Variants in LRRC7 observed in about 807,000 individuals in gnomAD.
LRRC7 encodes leucine rich repeat containing 7, also known as leucine-rich repeat-containing protein 7.
In LRRC7, 23 loss-of-function variants were observed where a neutral mutation model predicts 175.7. The observed-to-expected ratio is 0.13, with a 90% CI of 0.09 to 0.19. LRRC7 has a LOEUF of 0.19. Ranked by LOEUF, LRRC7 falls within the 10% of genes least tolerant of loss-of-function variation. LRRC7 has a pLI of 1.00. For missense variants in LRRC7, 1,354 were observed against 1,904.7 expected, an observed-to-expected ratio of 0.71 and a Z score of 5.38; for synonymous variants, 685 against 680.9, an observed-to-expected ratio of 1.01 and a Z score of -0.09.
At chr1:70,002,960 C>T (rs1325347138) in intron 11 of LRRC7, among the ~76,000 whole-genome samples, 1 of 152,074 alleles carries the variant, frequency 6.6e-6, no homozygotes. Context: ...AGTACAATGT[C>T]TTAGTCTGCT....
chr1:69,928,126 G>A (rs193145167), intron 7 of LRRC7, among the ~76,000 whole-genome samples: 181 of 152,192 alleles, frequency 1.2e-3, no homozygotes, highest in Non-Finnish European at 1.7e-3. Context: ...GCGGATTTTC[G>A]TGAACCGTGA....
chr1:69,681,099 A>G (rs1660430650), intron 2 of LRRC7, among the ~76,000 whole-genome samples: 1 of 151,288 alleles, frequency 6.6e-6, no homozygotes, highest in African/African-American at 2.4e-5. Context: ...ATGGCAAAGA[A>G]GAGGTTCTAA....
At chr1:69,614,067 ATCAT>A (rs1649232766) in intron 1 of LRRC7, among the ~76,000 whole-genome samples, 1 of 150,734 alleles carries the variant, frequency 6.6e-6, no homozygotes, top group Non-Finnish European at 1.5e-5. Flanking sequence ...AATGATAATT[ATCAT>A]TCATAAAGTT....
intron 7 of LRRC7, chr1:69,839,099 A>T (rs975790604): frequency 4.7e-5 from 13 of 278,564 alleles, no homozygotes; most frequent in South Asian, 1.6e-4. Flanking sequence ...TAAACATTTC[A>T]GTAGGACTTA....
At chr1:69,778,389 A>G (rs1673055284) in intron 3 of LRRC7, among the ~76,000 whole-genome samples, 1 of 152,198 alleles carries the variant, frequency 6.6e-6, no homozygotes, top group South Asian at 2.1e-4. Context: ...CTTTGTTTCC[A>G]TGGGAACTAG....
Position 69,888,280 on chromosome 1 carries a change from C to T in LRRC7, c.648-43227C>T, listed in dbSNP as rs796575442. Among the ~76,000 whole-genome samples the T allele has an allele frequency of 5.5e-4, 84 of 152,210 alleles. 2 individuals are homozygous for T. The highest frequency in any genetic ancestry group is 1.7e-3 in the African/African-American group (70 of 41,554). On this transcript the variant is annotated intron_variant, in intron 7 of 26. Transcript: ENST00000651989. Reference sequence around the variant, plus strand: ...CTAGCAATCAGCGAGACTCTGTGGGCGTAGGACCCTCGGATCCAGGTGCGG... The same window carrying T: ...CTAGCAATCAGCGAGACTCTGTGGGTGTAGGACCCTCGGATCCAGGTGCGG...
rs114018305 is a variant in LRRC7, at chr1:70,053,306, A to T, written c.4230+161A>T. ...TTTGGTTGACTGTAAGTACATTGAA[A>T]TGAATGGAAAATAAACACTGCCAAC... is the stretch of plus-strand genomic sequence containing the variant. On this transcript the variant is annotated intron_variant, in intron 23 of 26. Transcript: ENST00000651989. Among the ~76,000 whole-genome samples the T allele has an allele frequency of 3.9e-3, 594 of 152,334 alleles. 5 individuals carry two copies. The highest frequency in any genetic ancestry group is 0.014 in the African/African-American group (562 of 41,584).
At chr1:69,772,810 A>T (rs897400333) in intron 3 of LRRC7, among the ~76,000 whole-genome samples, 10 of 152,198 alleles carry the variant, frequency 6.6e-5, no homozygotes, top group African/African-American at 2.4e-4. Context: ...GGAGGAAAAC[A>T]AGGAAAGAAG....
chr1:69,902,984 A>G (rs563235437), intron 7 of LRRC7, among the ~76,000 whole-genome samples: 4 of 152,180 alleles, frequency 2.6e-5, no homozygotes, highest in Non-Finnish European at 5.9e-5. Flanking sequence ...TTTATTGTAC[A>G]GTCCATTATT....
At chr1:69,886,950 C>T (rs1478089682) in intron 7 of LRRC7, among the ~76,000 whole-genome samples, 1 of 152,050 alleles carries the variant, frequency 6.6e-6, no homozygotes, top group African/African-American at 2.4e-5. Flanking sequence ...TTGGCCCCCA[C>T]TCCCTTGTGG....
chr1:69,736,427 C>A (rs1668122248), intron 2 of LRRC7, among the ~76,000 whole-genome samples: 1 of 152,026 alleles, frequency 6.6e-6, no homozygotes, highest in African/African-American at 2.4e-5. Context: ...TTAATATTTT[C>A]TTCAGACTTT....
intron 1 of LRRC7, among the ~76,000 whole-genome samples, chr1:69,586,865 A>G (rs1023164958): frequency 6.6e-6 from 1 of 152,152 alleles, no homozygotes; most frequent in African/African-American, 2.4e-5. Context: ...AATTCCATTT[A>G]TTGTTAAACT....
At chr1:69,902,922 T>C (rs1300775864) in intron 7 of LRRC7, among the ~76,000 whole-genome samples, 2 of 152,230 alleles carry the variant, frequency 1.3e-5, no homozygotes, top group Non-Finnish European at 2.9e-5. Flanking sequence ...GAGTTTTCAT[T>C]ATGAGGCACA....
chr1:69,693,654 C>A (rs528829088), intron 2 of LRRC7, among the ~76,000 whole-genome samples: 62 of 152,246 alleles, frequency 4.1e-4, no homozygotes, highest in African/African-American at 1.4e-3. Flanking sequence ...TCCAAAAACA[C>A]CCTCACAGAA....
At chr1:69,848,926 AT>A (rs1203221562) in intron 7 of LRRC7, among the ~76,000 whole-genome samples, 21 of 151,512 alleles carry the variant, frequency 1.4e-4, no homozygotes, top group African/African-American at 4.8e-4. Flanking sequence ...CCTTTCATGG[AT>A]TTTAAAAAAA....
intron 1 of LRRC7, among the ~76,000 whole-genome samples, chr1:69,588,422 A>G (rs963589424): frequency 1.1e-4 from 17 of 152,188 alleles, no homozygotes; most frequent in African/African-American, 4.1e-4. Context: ...ATACTTTATC[A>G]GGTATAATGT....
chr1:70,057,294 G>A (rs1178137057), intron 23 of LRRC7, among the ~76,000 whole-genome samples: 2 of 152,188 alleles, frequency 1.3e-5, no homozygotes, highest in Non-Finnish European at 2.9e-5. Context: ...AATATTCAGT[G>A]AGACTCAACC....
At chr1:69,750,093 T>TAAATAAATAAATAATAAATAATA (rs139997047) in intron 2 of LRRC7, among the ~76,000 whole-genome samples, 11 of 142,200 alleles carry the variant, frequency 7.7e-5, no homozygotes, top group Non-Finnish European at 1.5e-4. Context: ...AATAAATAAA[T>TAAATAAATAAATAATAAATAATA]AATAATAACT....
intron 21 of LRRC7, 114 bp downstream of exon 21, chr1:70,039,907 T>A: frequency 7.7e-7 from 1 of 1,297,614 alleles, no homozygotes; most frequent in Non-Finnish European, 1.0e-6. Flanking sequence ...AGATGATCAG[T>A]ATTTTATTTA....
Sources: allele counts gnomAD v4.1 joint callset (sites outside exome capture counted in the v4.1 genomes callset), GRCh38; gene constraint gnomAD v4.1.1; transcripts MANE v1.5; gene names NCBI Gene and HGNC (gene_info 2026-07-23, HGNC 2026-07-21).